ERC2: variants seen among roughly 807,000 people sequenced by gnomAD.
The protein encoded by ERC2 is ERC protein 2.
A neutral mutation model predicts 114.8 loss-of-function variants in ERC2; 42 were observed. That is an observed-to-expected ratio of 0.37 (90% confidence interval 0.29 to 0.47). ERC2 has a LOEUF of 0.47. Among genes scored for constraint, ERC2 ranks in the 20% least tolerant of loss-of-function variants. ERC2 has a pLI of 0.99. For synonymous variants in ERC2, 454 were observed against 425.5 expected (o/e 1.07, Z -0.82); for missense variants, 939 against 1,150.7 (o/e 0.82, Z 2.66).
rs2072552844 is a variant in ERC2 at position 56,007,101 on chromosome 3, T to C, written c.2061+80A>G. On this transcript the variant is annotated intron_variant, in intron 10 of 17. Coordinates refer to ENST00000288221, the MANE Select transcript of ERC2 (RefSeq NM_015576.3). ...AGCAACAGATAAGGGGTTTGTTTCT[T>C]TTTAAAAACGTCTCTTCCTGTTCCA... The C allele has an allele frequency of 1.2e-5, 16 of 1,345,018 alleles. No individual in the cohort carries two copies. The South Asian group carries it at 2.2e-4, about 19-fold the overall frequency. 83.3% of individuals were successfully genotyped at this position (1,345,018 alleles called of 1,614,324 possible).
intron 17 of ERC2, among the ~76,000 whole-genome samples, chr3:55,552,306 C>T (rs2055265242): frequency 6.6e-6 from 1 of 152,342 alleles, no homozygotes. Context: ...GCACGTTCCA[C>T]TCCAGCAAAG....
At chr3:55,815,301 C>T (rs1021470422) in intron 14 of ERC2, among the ~76,000 whole-genome samples, 12 of 152,278 alleles carry the variant, frequency 7.9e-5, no homozygotes, top group African/African-American at 2.9e-4. Flanking sequence ...TATTATGTTA[C>T]CTGGCAAAAG....
chr3:55,738,571 A>G (rs2065787434), intron 14 of ERC2, among the ~76,000 whole-genome samples: 1 of 152,106 alleles, frequency 6.6e-6, no homozygotes, highest in Non-Finnish European at 1.5e-5. Context: ...GCACACACAC[A>G]TATTTTCACA....
intron 6 of ERC2, among the ~76,000 whole-genome samples, chr3:56,089,101 G>T (rs749104709): frequency 6.6e-6 from 1 of 152,162 alleles, no homozygotes; most frequent in Non-Finnish European, 1.5e-5. Flanking sequence ...GGAGGGTTGT[G>T]TGGGTGGGTG....
intron 2 of ERC2, among the ~76,000 whole-genome samples, chr3:56,371,689 G>A (rs1357233987): frequency 6.6e-6 from 1 of 152,164 alleles, no homozygotes; most frequent in East Asian, 1.9e-4. Context: ...CACCTCCCAA[G>A]GGCTCAGGTT....
At chr3:55,800,742 C>T (rs927524135) in intron 14 of ERC2, among the ~76,000 whole-genome samples, 5 of 152,044 alleles carry the variant, frequency 3.3e-5, no homozygotes, top group African/African-American at 1.2e-4. Context: ...TGCTTTCTTC[C>T]CCACAGGGTG....
chr3:56,014,505 C>T (rs1441308314), intron 8 of ERC2, among the ~76,000 whole-genome samples: 3 of 152,202 alleles, frequency 2.0e-5, no homozygotes, highest in Non-Finnish European at 2.9e-5. Flanking sequence ...AGAGAAGAGG[C>T]TTGCCCAGGT....
chr3:56,091,844 A>G (rs987114407), intron 6 of ERC2, among the ~76,000 whole-genome samples: 8 of 152,240 alleles, frequency 5.3e-5, no homozygotes, highest in Admixed American at 5.2e-4. Flanking sequence ...TGATGTATTT[A>G]TCCTCCTGTT....
intron 17 of ERC2, among the ~76,000 whole-genome samples, chr3:55,566,727 G>A (rs1289612118): frequency 6.6e-6 from 1 of 151,712 alleles, no homozygotes; most frequent in Non-Finnish European, 1.5e-5. Flanking sequence ...GCAACAGATT[G>A]TTGTTCTATT....
At chr3:56,450,515 A>C (rs1446805532) in intron 1 of ERC2, among the ~76,000 whole-genome samples, 2 of 152,240 alleles carry the variant, frequency 1.3e-5, no homozygotes, top group Non-Finnish European at 2.9e-5. Context: ...GTACACAGCT[A>C]AATCCACAAG....
intron 14 of ERC2, among the ~76,000 whole-genome samples, chr3:55,821,005 A>G (rs1482116217): frequency 6.6e-6 from 1 of 152,166 alleles, no homozygotes; most frequent in Non-Finnish European, 1.5e-5. Context: ...GAGCAAGAGA[A>G]GAAGGAAGGA....
intron 3 of ERC2, among the ~76,000 whole-genome samples, chr3:56,188,181 T>G (rs1235103048): frequency 1.3e-5 from 2 of 152,194 alleles, no homozygotes; most frequent in Non-Finnish European, 2.9e-5. Flanking sequence ...CTTCTGGGCA[T>G]CATATTTTGA....
chr3:56,325,200 T>A (rs1001903735), intron 2 of ERC2, among the ~76,000 whole-genome samples: 3 of 152,050 alleles, frequency 2.0e-5, no homozygotes, highest in South Asian at 4.2e-4. Flanking sequence ...ATCCCAGCAC[T>A]TTGGGAGGCC....
chr3:55,883,136 A>T (rs1047771469), intron 14 of ERC2, among the ~76,000 whole-genome samples: 1 of 152,208 alleles, frequency 6.6e-6, no homozygotes, highest in African/African-American at 2.4e-5. Context: ...TTTTTTAACT[A>T]ATTCATCCTT....
At position 55,756,850 on chromosome 3, in the gene ERC2, C is replaced by T. The variant is rs2067093062; in HGVS notation, c.2565-21932G>A. 2.6e-5 allele frequency among the ~76,000 whole-genome samples: 4 copies of T among 152,088 alleles called. No homozygotes were observed. The South Asian group carries it at 8.3e-4, about 32-fold the overall frequency. On this transcript the variant is annotated intron_variant, in intron 14 of 17. Transcript: ENST00000288221. ...CAAAGAAAACCACCTTAAGAGTTCC[C>T]TCCCTCAAAGAGGGAGAAAGGAAAC...
intron 17 of ERC2, among the ~76,000 whole-genome samples, chr3:55,661,337 G>A (rs534506644): frequency 2.0e-5 from 3 of 152,302 alleles, no homozygotes; most frequent in African/African-American, 7.2e-5. Context: ...GCTCCGTCTG[G>A]TTGTGGGACT....
chr3:56,465,658 T>A (rs147023473), intron 1 of ERC2, among the ~76,000 whole-genome samples: 77 of 152,330 alleles, frequency 5.1e-4, no homozygotes, highest in African/African-American at 1.8e-3. Flanking sequence ...TTACCTTCTT[T>A]TAAGTCATCA....
intron 3 of ERC2, among the ~76,000 whole-genome samples, chr3:56,238,819 T>C (rs1438209109): frequency 6.6e-6 from 1 of 152,190 alleles, no homozygotes; most frequent in East Asian, 1.9e-4. Flanking sequence ...TTCATTTAAG[T>C]ACCTTAAGAT....
chr3:55,885,580 G>A (rs913716406), intron 14 of ERC2, among the ~76,000 whole-genome samples: 1 of 152,126 alleles, frequency 6.6e-6, no homozygotes, highest in Admixed American at 6.5e-5. Context: ...GCAATAATGT[G>A]GCAATTCACC....
Sources: allele counts gnomAD v4.1 joint callset (sites outside exome capture counted in the v4.1 genomes callset), GRCh38; gene constraint gnomAD v4.1.1; transcripts MANE v1.5; gene names NCBI Gene and HGNC (gene_info 2026-07-23, HGNC 2026-07-21).